The following NRTN variants were observed in gnomAD, a reference collection of about 807,000 sequenced individuals.
NRTN encodes neurturin.
A neutral mutation model predicts 7.5 loss-of-function variants in NRTN; 3 were observed. That is an observed-to-expected ratio of 0.40 (90% CI 0.18 to 1.03). The LOEUF (loss-of-function observed/expected upper bound fraction) is 1.03, where lower values mean the gene tolerates loss of function less well. Ranked by LOEUF, NRTN falls within the 50% of genes least tolerant of loss-of-function variation. The pLI, the probability that NRTN is intolerant of heterozygous loss-of-function variation, is 0.34. For missense variants in NRTN, 310 were observed against 307.0 expected (o/e 1.01, Z -0.07); for synonymous variants, 157 against 146.6 (o/e 1.07, Z -0.51).
Position 5,822,438 on chromosome 19 carries a change from C to T in NRTN, c.-398-1330C>T, listed in dbSNP as rs905127172. ...GCAGCCGGGAGGGGGAATGTAAACT[C>T]GGGCTGGGGGCCGCGGGACGCTCGG... On this transcript the variant is annotated intron_variant, in intron 1 of 2. Transcript: ENST00000303212. Among the ~76,000 whole-genome samples the T allele has an allele frequency of 2.6e-5, 4 of 152,352 alleles. No individual in the cohort carries two copies. The East Asian group carries it at 7.7e-4, about 29-fold the overall frequency.
intron 2 of NRTN, 98 bp downstream of exon 2, chr19:5,824,432 T>C: frequency 3.4e-6 from 5 of 1,456,012 alleles, no homozygotes; most frequent in Non-Finnish European, 4.7e-6. Context: ...CATAGGTTTT[T>C]TAAAGATAGG....
intron 1 of NRTN, among the ~76,000 whole-genome samples, chr19:5,811,016 C>A (rs917528962): frequency 6.6e-6 from 1 of 151,826 alleles, no homozygotes; most frequent in African/African-American, 2.4e-5. Flanking sequence ...GCAGGAGGAT[C>A]ACTTGAGGTC....
intron 1 of NRTN, among the ~76,000 whole-genome samples, chr19:5,821,232 C>T (rs182860284): frequency 3.4e-4 from 51 of 151,668 alleles, no homozygotes; most frequent in African/African-American, 1.1e-3. Context: ...TCCATCCATC[C>T]GTTCACTCAG....
At chr19:5,826,715 A>G (rs2057047869) in intron 2 of NRTN, among the ~76,000 whole-genome samples, 1 of 152,168 alleles carries the variant, frequency 6.6e-6, no homozygotes, top group Non-Finnish European at 1.5e-5. Context: ...GCTGCCTGTC[A>G]TTCCAGCGTC....
At chr19:5,817,842 A>G (rs1202563377) in intron 1 of NRTN, among the ~76,000 whole-genome samples, 1 of 152,056 alleles carries the variant, frequency 6.6e-6, no homozygotes, top group Non-Finnish European at 1.5e-5. Context: ...CTCTGTCACC[A>G]AGGCTGGAGT....
chr19:5,815,137 T>C (rs1040891984), intron 1 of NRTN, among the ~76,000 whole-genome samples: 2 of 152,188 alleles, frequency 1.3e-5, no homozygotes, highest in African/African-American at 4.8e-5. Context: ...TGGTGGCGTG[T>C]TCACCTGTGC....
At chr19:5,825,858 G>A (rs1172334291) in intron 2 of NRTN, among the ~76,000 whole-genome samples, 1 of 152,220 alleles carries the variant, frequency 6.6e-6, no homozygotes, top group African/African-American at 2.4e-5. Flanking sequence ...ATTGTTGCCA[G>A]GTGCGGTGGC....
chr19:5,827,778 G>A lies in NRTN; in HGVS notation c.199G>A (p.Ala67Thr), dbSNP rs756883185. The A allele has an allele frequency of 2.6e-4, 311 of 1,218,710 alleles. No homozygotes were observed. The highest frequency in any genetic ancestry group is 1.7e-3 in the Middle Eastern group (8 of 4,582). The allele number at this position is 1,218,710 out of a possible 1,614,324, so 75.5% of individuals were successfully genotyped here. Residue 67 changes from alanine (A) to threonine (T), a missense_variant, in exon 3 of 3, where the codon GCG (alanine) becomes ACG (threonine). By Grantham distance (58) the Ala-to-Thr change is moderately conservative (BLOSUM62 0). Transcript: ENST00000303212. ...YRALLQGAPD[A>T]MELRELTPWA... ...TGCACTCCTGCAGGGGGCCCCGGAT[G>A]CGATGGAGCTGCGCGAGCTGACGCC...
intron 1 of NRTN, among the ~76,000 whole-genome samples, chr19:5,815,964 C>T (rs889163393): frequency 1.2e-4 from 18 of 151,994 alleles, no homozygotes; most frequent in African/African-American, 1.7e-4. Flanking sequence ...AGGCTGGTCT[C>T]GAACTCCTGA....
At chr19:5,826,921 C>T (rs2057048708) in intron 2 of NRTN, among the ~76,000 whole-genome samples, 2 of 152,322 alleles carry the variant, frequency 1.3e-5, no homozygotes, top group South Asian at 4.1e-4. Flanking sequence ...CTGTCGCTCT[C>T]TCTCGGCCAC....
At chr19:5,818,211 G>A (rs112956342) in intron 1 of NRTN, among the ~76,000 whole-genome samples, 3,477 of 152,138 alleles carry the variant, frequency 0.023, 127 homozygotes, top group African/African-American at 0.08. Context: ...TGATCCAACC[G>A]CCTCAGCCTC....
intron 1 of NRTN, among the ~76,000 whole-genome samples, chr19:5,810,557 A>G (rs139994762): frequency 5.3e-5 from 8 of 152,072 alleles, no homozygotes; most frequent in Non-Finnish European, 1.0e-4. Flanking sequence ...AGCACTCATC[A>G]CAGTGTCTGC....
At position 5,824,051 on chromosome 19, in the gene NRTN, A is replaced by C; in HGVS notation, c.-115A>C. On this transcript the variant is annotated 5_prime_UTR_variant, in exon 2 of 3. Transcript: ENST00000303212. Reference sequence around the variant, plus strand: ...CCCATGTGATTATCGACCATTCGGCAGGCGTTCAAAGTCAAAGGCCCCACA... The same window carrying C: ...CCCATGTGATTATCGACCATTCGGCCGGCGTTCAAAGTCAAAGGCCCCACA... The C allele has an allele frequency of 7.7e-7, 1 of 1,301,026 alleles. No homozygotes were observed. The highest frequency in any genetic ancestry group is 1.2e-5 in the South Asian group (1 of 83,202). The allele number at this position is 1,301,026 out of a possible 1,614,324, so 80.6% of individuals were successfully genotyped here.
Position 5,805,440 on chromosome 19 carries a change from C to G in NRTN, c.-410C>G, listed in dbSNP as rs531441569. Among the ~76,000 whole-genome samples the G allele has an allele frequency of 6.6e-6, 1 of 151,486 alleles. No homozygotes were observed. Among genetic ancestry groups the G allele is most frequent in the Admixed American group, 6.6e-5 (1 of 15,244 alleles). On this transcript the variant is annotated 5_prime_UTR_variant, in exon 1 of 3. Coordinates refer to ENST00000303212, the MANE Select transcript of NRTN (RefSeq NM_004558.5). ...CGGCCGCCACTGACGGGTAGTCCGG[C>G]GCCCACAGCAGGTAAGCAAGGGGCA...
At chr19:5,824,474 C>A in intron 2 of NRTN, 140 bp downstream of exon 2, 2 of 1,089,174 alleles carry the variant, frequency 1.8e-6, no homozygotes, top group Non-Finnish European at 2.7e-6. Flanking sequence ...GAGGCAGGGA[C>A]AGACATCCTA....
intron 1 of NRTN, among the ~76,000 whole-genome samples, chr19:5,811,107 CGT>C (rs2056989379): frequency 6.6e-6 from 1 of 151,766 alleles, no homozygotes; most frequent in Non-Finnish European, 1.5e-5. Flanking sequence ...GGTGTAGTGG[CGT>C]GCACCTGTAA....
At chr19:5,810,285 T>A (rs1480304367) in intron 1 of NRTN, among the ~76,000 whole-genome samples, 6 of 120,766 alleles carry the variant, frequency 5.0e-5, no homozygotes, top group East Asian at 7.6e-4. Context: ...AAAAAAAAAA[T>A]TTTTTTTTGT....
chr19:5,817,948 C>T (rs1356195815), intron 1 of NRTN, among the ~76,000 whole-genome samples: 2 of 151,764 alleles, frequency 1.3e-5, no homozygotes, highest in East Asian at 1.9e-4. Flanking sequence ...TACAGGCGCA[C>T]ACTGCCACAC....
At chr19:5,819,308 C>T (rs1409734725) in intron 1 of NRTN, among the ~76,000 whole-genome samples, 1 of 152,284 alleles carries the variant, frequency 6.6e-6, no homozygotes, top group East Asian at 1.9e-4. Context: ...AGGAGGCTCG[C>T]TTGAGCCCAG....
Sources: gnomAD v4.1 joint callset for allele counts (sites outside exome capture counted in the v4.1 genomes callset) on GRCh38, gnomAD v4.1.1 for gene constraint, MANE v1.5 for transcripts, NCBI Gene and HGNC (gene_info 2026-07-23, HGNC 2026-07-21) for gene names.